The following DYNC1I1 variants were observed in gnomAD, a reference collection of about 807,000 sequenced individuals.
The protein encoded by DYNC1I1 is dynein cytoplasmic 1 intermediate chain 1, also known as cytoplasmic dynein 1 intermediate chain 1.
Under a neutral mutation model 86.6 loss-of-function variants are expected in DYNC1I1, and 43 were observed. The ratio of observed to expected loss-of-function variants is 0.50; its 90% CI spans 0.39 to 0.64. DYNC1I1 has a LOEUF of 0.64. Among genes scored for constraint, DYNC1I1 ranks in the 30% least tolerant of loss-of-function variants. The pLI is 0.00. For missense variants in DYNC1I1, 604 were observed against 788.8 expected, an observed-to-expected ratio of 0.77 and a Z score of 2.81; for synonymous variants, 262 against 283.7, an observed-to-expected ratio of 0.92 and a Z score of 0.77.
chr7:95,791,735 G>A (rs143152835), intron 1 of DYNC1I1, among the ~76,000 whole-genome samples: 105 of 152,062 alleles, frequency 6.9e-4, no homozygotes, highest in African/African-American at 2.2e-3. Flanking sequence ...TTTTAGAGTC[G>A]GAAAACAGAG....
chr7:95,776,093 T>G (rs749527662), intron 1 of DYNC1I1, among the ~76,000 whole-genome samples: 6 of 152,044 alleles, frequency 3.9e-5, no homozygotes, highest in Non-Finnish European at 7.4e-5. Flanking sequence ...CTCGGGAGGC[T>G]GAGACAGGAC....
chr7:95,895,121 T>C (rs1035405017), intron 6 of DYNC1I1, among the ~76,000 whole-genome samples: 1 of 152,168 alleles, frequency 6.6e-6, no homozygotes, highest in African/African-American at 2.4e-5. Flanking sequence ...CGACCCTTTT[T>C]TGGTGCAACT....
chr7:95,990,549 T>C (rs559496237), intron 9 of DYNC1I1, among the ~76,000 whole-genome samples: 2 of 152,304 alleles, frequency 1.3e-5, no homozygotes, highest in African/African-American at 4.8e-5. Flanking sequence ...ACTGTCAGTC[T>C]CTATAAGGTT....
chr7:95,937,942 T>C (rs1792092562), intron 6 of DYNC1I1, among the ~76,000 whole-genome samples: 1 of 152,026 alleles, frequency 6.6e-6, no homozygotes, highest in Non-Finnish European at 1.5e-5. Context: ...CCATAATATA[T>C]AATATATATA....
chr7:95,915,208 T>C (rs1012274944), intron 6 of DYNC1I1, among the ~76,000 whole-genome samples: 1 of 152,218 alleles, frequency 6.6e-6, no homozygotes, highest in Admixed American at 6.5e-5. Flanking sequence ...TAACGAACTA[T>C]AGTAATAGCT....
chr7:96,107,217 A>G (rs1791229964), intron 16 of DYNC1I1, among the ~76,000 whole-genome samples: 1 of 151,790 alleles, frequency 6.6e-6, no homozygotes, highest in African/African-American at 2.4e-5. Context: ...TTTAGTAGAG[A>G]CAGGGTTTCA....
intron 6 of DYNC1I1, among the ~76,000 whole-genome samples, chr7:95,913,461 G>C (rs1348983281): frequency 6.6e-6 from 1 of 152,102 alleles, no homozygotes; most frequent in Admixed American, 6.5e-5. Context: ...GAATCACGGG[G>C]GCAGGTTTTC....
chr7:96,017,986 A>G (rs898055536), intron 10 of DYNC1I1, among the ~76,000 whole-genome samples: 1 of 152,168 alleles, frequency 6.6e-6, no homozygotes, highest in Non-Finnish European at 1.5e-5. Flanking sequence ...CCCACCTCAT[A>G]GTAAATATCA....
At chr7:96,004,008 A>T (rs1026863075) in intron 10 of DYNC1I1, among the ~76,000 whole-genome samples, 2 of 152,222 alleles carry the variant, frequency 1.3e-5, no homozygotes, top group African/African-American at 2.4e-5. Flanking sequence ...AAATAATGTG[A>T]TTCTCCAAGA....
At chr7:95,965,723 GA>G (rs1250170785) in intron 6 of DYNC1I1, among the ~76,000 whole-genome samples, 1 of 151,956 alleles carries the variant, frequency 6.6e-6, no homozygotes, top group Non-Finnish European at 1.5e-5. Context: ...GGATTATCAA[GA>G]AAAAAATAAC....
At chr7:96,093,742 A>C (rs1424138052) in intron 16 of DYNC1I1, among the ~76,000 whole-genome samples, 2 of 152,124 alleles carry the variant, frequency 1.3e-5, no homozygotes, top group Non-Finnish European at 2.9e-5. Context: ...TTGACTTAGA[A>C]CAATGCTGGG....
At chr7:96,038,478 T>A (rs1388902474) in intron 13 of DYNC1I1, among the ~76,000 whole-genome samples, 1 of 152,210 alleles carries the variant, frequency 6.6e-6, no homozygotes, top group African/African-American at 2.4e-5. Flanking sequence ...TGTAATTTTT[T>A]AAATGTCTAT....
chr7:95,847,571 C>T (rs1300894071), intron 5 of DYNC1I1, among the ~76,000 whole-genome samples: 1 of 152,112 alleles, frequency 6.6e-6, no homozygotes, highest in South Asian at 2.1e-4. Context: ...CAATTTCTTA[C>T]CCAGCAACTT....
chr7:95,945,221 A>T (rs1318247479), intron 6 of DYNC1I1, among the ~76,000 whole-genome samples: 1 of 152,036 alleles, frequency 6.6e-6, no homozygotes, highest in Non-Finnish European at 1.5e-5. Flanking sequence ...GAGGGGGGAA[A>T]AAAGAAGTAT....
At chr7:96,090,606 G>T (rs1302703226) in intron 16 of DYNC1I1, among the ~76,000 whole-genome samples, 2 of 151,958 alleles carry the variant, frequency 1.3e-5, no homozygotes, top group Non-Finnish European at 2.9e-5. Flanking sequence ...GAGGTCTGAA[G>T]CTTCATGGGT....
chr7:95,837,930 T>C (rs1789159465), intron 5 of DYNC1I1, among the ~76,000 whole-genome samples: 1 of 152,224 alleles, frequency 6.6e-6, no homozygotes, highest in South Asian at 2.1e-4. Context: ...ACCCGTCTTC[T>C]GCGTCGCTCA....
At chr7:95,864,903 A>G (rs1403329066) in intron 5 of DYNC1I1, among the ~76,000 whole-genome samples, 3 of 148,928 alleles carry the variant, frequency 2.0e-5, no homozygotes, top group Admixed American at 6.8e-5. Context: ...TCATCTCTCC[A>G]CTCTATCTAG....
At chr7:95,826,929 G>A (rs879488910) in intron 4 of DYNC1I1, among the ~76,000 whole-genome samples, 2 of 152,146 alleles carry the variant, frequency 1.3e-5, no homozygotes, top group Admixed American at 6.5e-5. Context: ...TACCATATAA[G>A]CTACAGTAAG....
At chr7:95,895,379 T>C (rs1003166104) in intron 6 of DYNC1I1, among the ~76,000 whole-genome samples, 41 of 152,176 alleles carry the variant, frequency 2.7e-4, no homozygotes, top group African/African-American at 9.7e-4. Context: ...CAAACAACCA[T>C]AGAATGGTCC....
Sources: allele counts gnomAD v4.1 joint callset (sites outside exome capture counted in the v4.1 genomes callset), GRCh38; gene constraint gnomAD v4.1.1; transcripts MANE v1.5; gene names NCBI Gene and HGNC (gene_info 2026-07-23, HGNC 2026-07-21).